FCHO2: variants seen among roughly 807,000 people sequenced by gnomAD.
FCHO2 encodes the protein FCH and mu domain containing endocytic adaptor 2.
In FCHO2, 43 loss-of-function variants were observed where a neutral mutation model predicts 114.1. The ratio of observed to expected loss-of-function variants is 0.38; its 90% CI spans 0.30 to 0.49. FCHO2 has a LOEUF of 0.49. Among genes scored for constraint, FCHO2 ranks in the 20% least tolerant of loss-of-function variants. FCHO2 has a pLI of 0.97. For missense variants in FCHO2, 807 were observed against 950.4 expected, an observed-to-expected ratio of 0.85 and a Z score of 1.98; for synonymous variants, 293 against 315.2, an observed-to-expected ratio of 0.93 and a Z score of 0.75.
chr5:72,987,829 G>C (rs1753617098), intron 2 of FCHO2, among the ~76,000 whole-genome samples: 1 of 152,204 alleles, frequency 6.6e-6, no homozygotes, highest in East Asian at 1.9e-4. Flanking sequence ...GGCAGTTACT[G>C]TTAATATTTC....
chr5:73,055,676 A>G (rs1162343039), intron 15 of FCHO2, among the ~76,000 whole-genome samples: 2 of 152,218 alleles, frequency 1.3e-5, no homozygotes, highest in Non-Finnish European at 2.9e-5. Flanking sequence ...TACAATAATC[A>G]CTAATAATAT....
At position 73,019,148 on chromosome 5, in the gene FCHO2, C is replaced by T. The variant is rs563313866; in HGVS notation, c.796+1840C>T. On this transcript the variant is annotated intron_variant, in intron 8 of 25. Transcript: ENST00000430046. ...GTGGTCTATACAAGGAAGTAGGAAG[C>T]TAGTGTAACCAGGCAGCTAATGATA... is the stretch of plus-strand genomic sequence containing the variant. 4.6e-5 allele frequency among the ~76,000 whole-genome samples: 7 copies of T among 152,288 alleles called. No homozygotes were observed. In the South Asian group the frequency reaches 1.5e-3, roughly 32 times the overall value.
intron 19 of FCHO2, among the ~76,000 whole-genome samples, chr5:73,070,376 CT>C (rs898538589): frequency 6.6e-6 from 1 of 150,538 alleles, no homozygotes; most frequent in African/African-American, 2.4e-5. Context: ...TTTTTCCCAT[CT>C]TTTAATTTTA....
At chr5:73,003,117 A>T (rs11949362) in intron 5 of FCHO2, among the ~76,000 whole-genome samples, 1,613 of 151,938 alleles carry the variant, frequency 0.011, 9 homozygotes, top group Non-Finnish European at 0.015. Flanking sequence ...AAGTGATTCC[A>T]CCTCAGCTTC....
intron 2 of FCHO2, among the ~76,000 whole-genome samples, chr5:72,987,202 C>G (rs1369299447): frequency 6.6e-6 from 1 of 151,576 alleles, no homozygotes; most frequent in Admixed American, 6.6e-5. Flanking sequence ...CTACATGAAA[C>G]AAAGTTTTGA....
intron 2 of FCHO2, among the ~76,000 whole-genome samples, chr5:72,974,958 T>TA (rs1752776528): frequency 6.6e-6 from 1 of 152,300 alleles, no homozygotes; most frequent in Non-Finnish European, 1.5e-5. Flanking sequence ...CTCCTTCACT[T>TA]ATGAAGCTTA....
chr5:73,046,732 A>G (rs1757078520), intron 11 of FCHO2, among the ~76,000 whole-genome samples: 2 of 152,166 alleles, frequency 1.3e-5, no homozygotes, highest in South Asian at 2.1e-4. Flanking sequence ...AAAGGGCTCT[A>G]CCTTCAGTGT....
chr5:72,990,910 A>G, intron 5 of FCHO2, 46 bp downstream of exon 5: 1 of 1,506,030 alleles, frequency 6.6e-7, no homozygotes, highest in Non-Finnish European at 8.9e-7. Context: ...AAGCACCTTG[A>G]CATACAAAAT....
chr5:73,047,018 C>T (rs1165755594), intron 11 of FCHO2, among the ~76,000 whole-genome samples: 1 of 152,192 alleles, frequency 6.6e-6, no homozygotes, highest in Non-Finnish European at 1.5e-5. Context: ...ATTTTTGCTG[C>T]AATTCCTTGG....
At chr5:73,063,437 A>ATAT (rs1210742507) in intron 17 of FCHO2, among the ~76,000 whole-genome samples, 17 of 152,174 alleles carry the variant, frequency 1.1e-4, no homozygotes, top group African/African-American at 3.4e-4. Context: ...AGAGTTTACA[A>ATAT]TATTATTCTG....
chr5:73,067,952 A>C (rs1163067210), intron 18 of FCHO2, among the ~76,000 whole-genome samples: 1 of 152,030 alleles, frequency 6.6e-6, no homozygotes, highest in African/African-American at 2.4e-5. Flanking sequence ...TTAATTAGAA[A>C]ATTGGGAAGA....
intron 6 of FCHO2, among the ~76,000 whole-genome samples, chr5:73,014,220 C>T (rs1044768754): frequency 6.6e-6 from 1 of 151,958 alleles, no homozygotes; most frequent in Non-Finnish European, 1.5e-5. Context: ...TAGGCTTTCC[C>T]AGATTTCTTT....
rs369569863 is a variant in FCHO2 at position 73,081,977 on chromosome 5, A to G, written c.2175A>G (p.Ala725=). The G allele has an allele frequency of 1.0e-5, 15 of 1,495,500 alleles. No individual in the cohort carries two copies. In the African/African-American group the frequency reaches 1.8e-4, roughly 18 times the overall value. The allele number at this position is 1,495,500 out of a possible 1,614,324, so 92.6% of individuals were successfully genotyped here. A position where few individuals can be genotyped will look rare whatever the true frequency, so the allele number is the denominator to read the frequency against. ...CGAACATGCAGTCCCTTCCCCCTGC[A>G]ATATGGTAAATTAAACATACGTTTC... ...GVTNMQSLPP[A]IWNAEQMKAF... The change falls in exon 23 of 26, where the codon GCA becomes GCG. Residue 725 remains alanine (A), a synonymous_variant. Transcript: ENST00000430046.
At chr5:72,968,275 A>G (rs1194204681) in intron 1 of FCHO2, among the ~76,000 whole-genome samples, 1 of 152,206 alleles carries the variant, frequency 6.6e-6, no homozygotes, top group Non-Finnish European at 1.5e-5. Flanking sequence ...AAGTGTATGC[A>G]TATATGTTTG....
intron 16 of FCHO2, among the ~76,000 whole-genome samples, chr5:73,057,136 T>C (rs1211478743): frequency 6.6e-6 from 1 of 151,804 alleles, no homozygotes; most frequent in Non-Finnish European, 1.5e-5. Context: ...GGTCTTGCTA[T>C]ATTTCCCAGG....
intron 10 of FCHO2, chr5:73,038,229 G>A (rs1756628703): frequency 6.6e-6 from 1 of 152,138 alleles, no homozygotes; most frequent in Non-Finnish European, 1.5e-5. Context: ...CCTATGCCAG[G>A]TCCCACCTCA....
chr5:73,027,018 G>GTTT (rs1369730233), intron 8 of FCHO2, among the ~76,000 whole-genome samples: 8 of 107,114 alleles, frequency 7.5e-5, no homozygotes, highest in Admixed American at 9.0e-5. Flanking sequence ...TTGTTTGTTT[G>GTTT]TTTTTTTTTT....
chr5:73,013,008 C>T (rs530792504), intron 6 of FCHO2, among the ~76,000 whole-genome samples: 36 of 152,234 alleles, frequency 2.4e-4, no homozygotes, highest in Non-Finnish European at 3.8e-4. Context: ...AAATTAATGG[C>T]TACCTGTCTG....
intron 1 of FCHO2, among the ~76,000 whole-genome samples, chr5:72,965,619 C>T (rs916039191): frequency 2.6e-5 from 4 of 152,168 alleles, no homozygotes; most frequent in African/African-American, 9.7e-5. Context: ...CACTGGAGAG[C>T]TGTCATTGCA....
Sources: gnomAD v4.1 joint callset for allele counts (sites outside exome capture counted in the v4.1 genomes callset) on GRCh38, gnomAD v4.1.1 for gene constraint, MANE v1.5 for transcripts, NCBI Gene and HGNC (gene_info 2026-07-23, HGNC 2026-07-21) for gene names.